Variants in KAT7 observed in about 807,000 individuals in gnomAD.
KAT7 encodes histone acetyltransferase KAT7.
KAT7 carries 10 observed loss-of-function variants against 82.1 expected under a neutral mutation model. The observed-to-expected ratio is 0.12, with a 90% CI of 0.08 to 0.21. The LOEUF is 0.21. Among genes scored for constraint, KAT7 ranks in the 10% least tolerant of loss-of-function variants. The pLI, the probability that KAT7 is intolerant of heterozygous loss-of-function variation, is 1.00. For missense variants in KAT7, 378 were observed against 760.9 expected (o/e 0.50, Z 5.92); for synonymous variants, 250 against 262.5 (o/e 0.95, Z 0.46).
chr17:49,810,206 A>G (rs577057473), intron 6 of KAT7, among the ~76,000 whole-genome samples: 2 of 152,340 alleles, frequency 1.3e-5, no homozygotes, highest in East Asian at 1.9e-4. Context: ...AAAGCACTCC[A>G]TAAGTGGTAA....
intron 8 of KAT7, 136 bp from the exon 9 acceptor site, chr17:49,817,684 C>G: frequency 1.6e-6 from 1 of 630,224 alleles, no homozygotes. Flanking sequence ...CCAGGCTGGT[C>G]TCGAACTCCT....
At position 49,796,820 on chromosome 17, in the gene KAT7, C is replaced by G. The variant is rs759550725; in HGVS notation, c.234C>G (p.Thr78=). The G allele has an allele frequency of 4.3e-6, 7 of 1,614,006 alleles. 1 individual carries two copies. Among genetic ancestry groups the G allele is most frequent in the South Asian group, 3.3e-5 (3 of 91,076 alleles). Residue 78 remains threonine, a synonymous_variant, in exon 3 of 15, where the codon ACC becomes ACG. Coordinates refer to ENST00000259021, the MANE Select transcript of KAT7 (RefSeq NM_007067.5). The stretch of plus-strand genomic sequence containing the variant: ...CTGCTTACTCTACCAGAAGAGTGAC[C>G]CGTAGTCAGCAGCAGCCTACCCCAG... The part of the protein sequence containing the change: ...EEPAYSTRRV[T]RSQQQPTPVT...
Position 49,834,909 on chromosome 17 carries a change from TAGG to T in KAT7, c.*7412_*7414del, listed in dbSNP as rs1030091397. On this transcript the variant is annotated 3_prime_UTR_variant, in exon 15 of 15. Transcript: ENST00000259021. ...GTGCCAGCTACTCAGGAGGCTGAGG[TAGG>T]AGGATCACCTGAGCCCAGGAAGTCA... The T allele has an allele frequency of 6.6e-6, 1 of 152,188 alleles. No individual in the cohort carries two copies. Among genetic ancestry groups the T allele is most frequent in the Non-Finnish European group, 1.5e-5 (1 of 68,130 alleles). 9.4% of individuals were successfully genotyped at this position (152,188 alleles called of 1,614,324 possible).
intron 9 of KAT7, among the ~76,000 whole-genome samples, chr17:49,820,714 C>CCTAG (rs1252965471): frequency 6.6e-6 from 1 of 150,946 alleles, no homozygotes; most frequent in Non-Finnish European, 1.5e-5. Context: ...GCCAAGTGAC[C>CCTAG]CTAGCTTCCT....
intron 2 of KAT7, among the ~76,000 whole-genome samples, chr17:49,795,097 G>GA (rs996216425): frequency 2.7e-5 from 4 of 149,608 alleles, no homozygotes; most frequent in Non-Finnish European, 3.0e-5. Context: ...CCCGCCCTCT[G>GA]AAAAAAAAAT....
At chr17:49,826,847 C>G in intron 14 of KAT7, 48 bp downstream of exon 14, 1 of 1,250,498 alleles carries the variant, frequency 8.0e-7, no homozygotes. Flanking sequence ...TCCTTCAAGA[C>G]TTAGCAGAGC....
intron 9 of KAT7, among the ~76,000 whole-genome samples, chr17:49,819,929 C>CA (rs1459861658): frequency 6.6e-6 from 1 of 152,110 alleles, no homozygotes. Context: ...CTTGAGTTGA[C>CA]AAAAAGAGTT....
At chr17:49,818,371 G>A (rs554765714) in intron 9 of KAT7, among the ~76,000 whole-genome samples, 1 of 152,320 alleles carries the variant, frequency 6.6e-6, no homozygotes, top group African/African-American at 2.4e-5. Flanking sequence ...ATTAGGCACA[G>A]CAGAGACAGC....
intron 2 of KAT7, 97 bp from the exon 3 acceptor site, chr17:49,796,650 TATG>T (rs1278161024): frequency 3.5e-6 from 3 of 864,338 alleles, no homozygotes; most frequent in Non-Finnish European, 5.2e-6. Context: ...TTTTGTGAAA[TATG>T]AAGAGGAGGA....
intron 11 of KAT7, among the ~76,000 whole-genome samples, chr17:49,822,423 G>A (rs1456901752): frequency 6.6e-6 from 1 of 152,022 alleles, no homozygotes; most frequent in African/African-American, 2.4e-5. Context: ...TAGAGATGGT[G>A]TTTTACCATG....
At chr17:49,816,934 C>T (rs552271006) in intron 8 of KAT7, among the ~76,000 whole-genome samples, 2 of 152,154 alleles carry the variant, frequency 1.3e-5, no homozygotes, top group Admixed American at 1.3e-4. Flanking sequence ...ACGTCAGCCT[C>T]CTGAGTAGCT....
intron 4 of KAT7, among the ~76,000 whole-genome samples, chr17:49,803,472 A>T (rs1335753629): frequency 6.6e-6 from 1 of 151,490 alleles, no homozygotes; most frequent in Non-Finnish European, 1.5e-5. Context: ...TCACCCAGGC[A>T]GGAGTGCAGT....
intron 4 of KAT7, among the ~76,000 whole-genome samples, chr17:49,802,522 C>T (rs2074037335): frequency 6.6e-6 from 1 of 151,984 alleles, no homozygotes; most frequent in Non-Finnish European, 1.5e-5. Flanking sequence ...ACAAAATTAG[C>T]CAGGCGTGGT....
Position 49,808,379 on chromosome 17 carries a change from C to A in KAT7, c.664-740C>A, listed in dbSNP as rs1485569145. 6.6e-5 allele frequency among the ~76,000 whole-genome samples: 10 copies of A among 151,524 alleles called. No homozygotes were observed. The East Asian group carries it at 1.7e-3, about 26-fold the overall frequency. ...AAGTGATCTGCCCACCTTGGCTTCC[C>A]AAAGTGCTGGGATTACAGATATAAG... is the stretch of plus-strand genomic sequence containing the variant. On this transcript the variant is annotated intron_variant, in intron 5 of 14. Transcript: ENST00000259021.
At chr17:49,790,935 A>G (rs1281276466) in intron 1 of KAT7, among the ~76,000 whole-genome samples, 1 of 152,206 alleles carries the variant, frequency 6.6e-6, no homozygotes, top group Non-Finnish European at 1.5e-5. Context: ...CTTAATTGAT[A>G]AAAGTTATCT....
chr17:49,821,900 G>A lies in KAT7; in HGVS notation c.1386+110G>A. On this transcript the variant is annotated intron_variant, in intron 11 of 14. Coordinates refer to ENST00000259021, the MANE Select transcript of KAT7 (RefSeq NM_007067.5). The stretch of plus-strand genomic sequence containing the variant: ...AAGAAGCTGTACTCTGGGCAATGAT[G>A]ACACCCCTTCCTTAAATTAAAAAAA... 3 of 870,870 alleles carry A rather than the reference G, an allele frequency of 3.4e-6. No homozygotes were observed. The South Asian group carries it at 4.7e-5, about 14-fold the overall frequency. The allele number at this position is 870,870 out of a possible 1,614,324, so 53.9% of individuals were successfully genotyped here.
intron 2 of KAT7, chr17:49,795,266 T>C (rs2073941690): frequency 6.3e-6 from 1 of 157,544 alleles, no homozygotes; most frequent in African/African-American, 2.4e-5. Flanking sequence ...TATAAATATG[T>C]ACACTTACAT....
chr17:49,818,593 A>T (rs750249682), intron 9 of KAT7, among the ~76,000 whole-genome samples: 1 of 151,928 alleles, frequency 6.6e-6, no homozygotes, highest in Non-Finnish European at 1.5e-5. Context: ...GGTTTACTAG[A>T]TTTTTTGCAG....
intron 2 of KAT7, among the ~76,000 whole-genome samples, chr17:49,793,965 TC>T (rs2073921931): frequency 6.6e-6 from 1 of 152,212 alleles, no homozygotes; most frequent in Non-Finnish European, 1.5e-5. Context: ...TAACAACTGT[TC>T]CTAACTTTAT....
Sources: gnomAD v4.1 joint callset for allele counts (sites outside exome capture counted in the v4.1 genomes callset) on GRCh38, gnomAD v4.1.1 for gene constraint, MANE v1.5 for transcripts, NCBI Gene and HGNC (gene_info 2026-07-23, HGNC 2026-07-21) for gene names.